Variants in C2orf42 observed in about 807,000 individuals in gnomAD.
The protein encoded by C2orf42 is chromosome 2 open reading frame 42.
Under a neutral mutation model 58.9 loss-of-function variants are expected in C2orf42, and 44 were observed. The ratio of observed to expected loss-of-function variants is 0.75; its 90% CI spans 0.59 to 0.96. C2orf42 has a LOEUF of 0.96. Ranked by LOEUF, C2orf42 falls within the 40% of genes least tolerant of loss-of-function variation. The pLI, the probability that C2orf42 is intolerant of heterozygous loss-of-function variation, is 0.00. For synonymous variants in C2orf42, 239 were observed against 265.4 expected (o/e 0.90, Z 0.97); for missense variants, 630 against 699.2 (o/e 0.90, Z 1.12).
intron 4 of C2orf42, among the ~76,000 whole-genome samples, chr2:70,178,916 C>A (rs1261264492): frequency 6.7e-6 from 1 of 149,714 alleles, no homozygotes; most frequent in Non-Finnish European, 1.5e-5. Flanking sequence ...CAGAGCAAGA[C>A]TCCATCTCAA....
intron 6 of C2orf42, among the ~76,000 whole-genome samples, chr2:70,166,656 A>T (rs1673426935): frequency 6.6e-6 from 1 of 152,100 alleles, no homozygotes; most frequent in Non-Finnish European, 1.5e-5. Context: ...AGCTTGGGCA[A>T]CAGGGTGAGA....
chr2:70,188,783 C>A (rs2103686415), intron 1 of C2orf42, among the ~76,000 whole-genome samples: 1 of 152,272 alleles, frequency 6.6e-6, no homozygotes, highest in Admixed American at 6.5e-5. Context: ...CTTTCTTTTT[C>A]CTAATCTTGA....
At chr2:70,188,639 G>C (rs1675115600) in intron 1 of C2orf42, among the ~76,000 whole-genome samples, 1 of 152,032 alleles carries the variant, frequency 6.6e-6, no homozygotes, top group Non-Finnish European at 1.5e-5. Context: ...CAAAACCAAG[G>C]GACCAACATT....
At chr2:70,152,720 G>T (rs535701940) in intron 9 of C2orf42, among the ~76,000 whole-genome samples, 9 of 152,206 alleles carry the variant, frequency 5.9e-5, no homozygotes, top group Non-Finnish European at 1.3e-4. Flanking sequence ...AGGGGACTTG[G>T]AGGAGAGTAG....
intron 4 of C2orf42, among the ~76,000 whole-genome samples, chr2:70,178,323 C>T (rs574667117): frequency 1.5e-4 from 23 of 152,176 alleles, no homozygotes; most frequent in African/African-American, 5.5e-4. Context: ...AAAATGTGGC[C>T]TGGCCAGGCA....
At chr2:70,179,845 G>C (rs1267340946) in intron 3 of C2orf42, among the ~76,000 whole-genome samples, 1 of 152,010 alleles carries the variant, frequency 6.6e-6, no homozygotes, top group East Asian at 1.9e-4. Flanking sequence ...GGCTGAAGTG[G>C]GAGGATCACT....
intron 4 of C2orf42, among the ~76,000 whole-genome samples, chr2:70,179,232 G>C (rs1293228562): frequency 6.6e-6 from 1 of 151,774 alleles, no homozygotes; most frequent in African/African-American, 2.4e-5. Context: ...CATCAATGGA[G>C]AGTAAAACTT....
chr2:70,153,782 G>A lies in C2orf42; in HGVS notation c.1517-3218C>T, dbSNP rs112978931. Among the ~76,000 whole-genome samples the A allele has an allele frequency of 8.1e-3, 1,226 of 151,746 alleles. 14 individuals carry two copies. The highest frequency in any genetic ancestry group is 0.029 in the African/African-American group (1,180 of 41,376). On this transcript the variant is annotated intron_variant, in intron 9 of 9. Transcript: ENST00000264434. ...TATCCAAAAGAAAATTTAAACGGCCGGGCGCGGTGGCTCATGCCTGTAATC... is the reference window on the plus strand; with the variant it reads ...TATCCAAAAGAAAATTTAAACGGCCAGGCGCGGTGGCTCATGCCTGTAATC...
chr2:70,160,520 A>T, intron 9 of C2orf42, 105 bp downstream of exon 9: 1 of 709,562 alleles, frequency 1.4e-6, no homozygotes, highest in African/African-American at 1.9e-5. Flanking sequence ...AAGGTGAATG[A>T]ATGTGTCTTC....
At chr2:70,176,490 C>A (rs1432147377) in intron 4 of C2orf42, among the ~76,000 whole-genome samples, 2 of 149,128 alleles carry the variant, frequency 1.3e-5, no homozygotes, top group African/African-American at 4.9e-5. Context: ...GGCGACAGAG[C>A]GAGACTGTCT....
chr2:70,184,668 TG>T, intron 1 of C2orf42, among the ~76,000 whole-genome samples: 1 of 150,668 alleles, frequency 6.6e-6, no homozygotes, highest in South Asian at 2.1e-4. Context: ...TTTATAGAGA[TG>T]GGGGTCTCAC....
intron 9 of C2orf42, among the ~76,000 whole-genome samples, chr2:70,153,842 G>A (rs1469937589): frequency 1.3e-5 from 2 of 150,126 alleles, no homozygotes; most frequent in Non-Finnish European, 3.0e-5. Context: ...GGTGGATCAC[G>A]AGGTCAGGAG....
intron 9 of C2orf42, among the ~76,000 whole-genome samples, chr2:70,151,642 C>A (rs763080346): frequency 4.0e-5 from 6 of 151,456 alleles, no homozygotes; most frequent in Non-Finnish European, 8.8e-5. Flanking sequence ...TCAAAAAACA[C>A]CCCCAAAAAA....
At chr2:70,157,724 G>C (rs1279488072) in intron 9 of C2orf42, among the ~76,000 whole-genome samples, 5 of 151,884 alleles carry the variant, frequency 3.3e-5, no homozygotes, top group Admixed American at 6.6e-5. Flanking sequence ...TTGAACCCGG[G>C]AGGCGGAGGT....
In C2orf42 at chr2:70,160,788, C is replaced by G; in HGVS notation, c.1354-1G>C. The G allele has an allele frequency of 1.3e-6, 2 of 1,587,752 alleles. No individual in the cohort carries two copies. Among genetic ancestry groups the G allele is most frequent in the Non-Finnish European group, 1.7e-6 (2 of 1,170,962 alleles). ...AGCTACGGGTGATTTCCAAGGGCAT[C>G]TGGACACCAAGACAATACCAAAAAA... is the stretch of plus-strand genomic sequence containing the variant. On this transcript the variant is annotated splice_acceptor_variant, in intron 8 of 9. Coordinates refer to ENST00000264434, the MANE Select transcript of C2orf42 (RefSeq NM_017880.3). LOFTEE classifies it high-confidence loss of function.
At chr2:70,182,539 A>G (rs1674652423) in intron 2 of C2orf42, 128 bp downstream of exon 2, 1 of 152,630 alleles carries the variant, frequency 6.6e-6, no homozygotes, top group Non-Finnish European at 1.5e-5. Context: ...TCTGTTCTAT[A>G]TAACAACGGA....
At chr2:70,166,659 G>C (rs561804300) in intron 6 of C2orf42, among the ~76,000 whole-genome samples, 3 of 151,970 alleles carry the variant, frequency 2.0e-5, no homozygotes. Context: ...TTGGGCAACA[G>C]GGTGAGACTC....
Position 70,169,579 on chromosome 2 carries a change from T to A in C2orf42, c.1122A>T (p.Gln374His). The A allele has an allele frequency of 6.3e-7, 1 of 1,596,040 alleles. No individual in the cohort carries two copies. The highest frequency in any genetic ancestry group is 1.7e-4 in the Middle Eastern group (1 of 6,042). ...WLASVTERIHQTMHYQFDGKP... is the reference protein window; with the variant it reads ...WLASVTERIHHTMHYQFDGKP... ...TACCATCAAACTGATAGTGCATGGT[T>A]TGATGGATGCGTTCTGTGACACTGG... Residue 374 changes from glutamine (Q) to histidine (H), a missense_variant, in exon 6 of 10, where the codon CAA becomes CAT. Transcript: ENST00000264434.
Position 70,149,932 on chromosome 2 carries a change from C to T in C2orf42, c.*424G>A, listed in dbSNP as rs575680829. On this transcript the variant is annotated 3_prime_UTR_variant, in exon 10 of 10. Transcript: ENST00000264434. ...CTTTATTTGAGAACAGAATAAAGAGCGTGGCTGGAACTCTGCCAAGATGGT... is the reference window on the plus strand; with the variant it reads ...CTTTATTTGAGAACAGAATAAAGAGTGTGGCTGGAACTCTGCCAAGATGGT... The T allele has an allele frequency of 2.7e-5, 5 of 184,954 alleles. No homozygotes were observed. Among genetic ancestry groups the T allele is most frequent in the South Asian group, 9.7e-5 (1 of 10,260 alleles). 11.5% of individuals were successfully genotyped at this position (184,954 alleles called of 1,614,324 possible). A position where few individuals can be genotyped will look rare whatever the true frequency, so the allele number is the denominator to read the frequency against.
Sources: allele counts gnomAD v4.1 joint callset (sites outside exome capture counted in the v4.1 genomes callset), GRCh38; gene constraint gnomAD v4.1.1; transcripts MANE v1.5; gene names NCBI Gene and HGNC (gene_info 2026-07-23, HGNC 2026-07-21).